NRXN3: variants seen among roughly 807,000 people sequenced by gnomAD.
NRXN3 encodes the protein neurexin III.
In NRXN3, 32 loss-of-function variants were observed where a neutral mutation model predicts 137.6. The ratio of observed to expected loss-of-function variants is 0.23; its 90% confidence interval spans 0.18 to 0.31. NRXN3 has a LOEUF of 0.31. NRXN3 is among the 10% of genes least tolerant of loss of function. The pLI is 1.00. For synonymous variants in NRXN3, 798 were observed against 784.5 expected (o/e 1.02, Z -0.29); for missense variants, 1,574 against 2,062.5 (o/e 0.76, Z 4.59).
intron 15 of NRXN3, among the ~76,000 whole-genome samples, chr14:79,420,695 A>G (rs1232301616): frequency 6.6e-6 from 1 of 152,214 alleles, no homozygotes; most frequent in African/African-American, 2.4e-5. Context: ...CAAAACCTAG[A>G]GTCAAACATT....
At chr14:79,242,239 C>A (rs962440731) in intron 15 of NRXN3, among the ~76,000 whole-genome samples, 2 of 152,102 alleles carry the variant, frequency 1.3e-5, no homozygotes, top group African/African-American at 4.8e-5. Context: ...GGGCTCTTAG[C>A]TTTTTGGGAT....
At chr14:79,162,986 CT>C (rs1189879160) in intron 15 of NRXN3, among the ~76,000 whole-genome samples, 10 of 151,738 alleles carry the variant, frequency 6.6e-5, no homozygotes, top group African/African-American at 2.4e-4. Flanking sequence ...CCTTCTCTTC[CT>C]TTTTTTCTTC....
chr14:79,456,777 C>CAGAGG (rs1222961631), intron 15 of NRXN3, among the ~76,000 whole-genome samples: 1 of 151,086 alleles, frequency 6.6e-6, no homozygotes, highest in East Asian at 1.9e-4. Flanking sequence ...GGAAGAGAAG[C>CAGAGG]AGAGGAGAGG....
chr14:78,590,861 G>T (rs993048395), intron 4 of NRXN3, among the ~76,000 whole-genome samples: 3 of 152,186 alleles, frequency 2.0e-5, no homozygotes, highest in Non-Finnish European at 2.9e-5. Context: ...GCAGGCCACT[G>T]CACTCCAGCC....
chr14:79,606,597 T>G (rs1158343696), intron 16 of NRXN3, among the ~76,000 whole-genome samples: 1 of 152,244 alleles, frequency 6.6e-6, no homozygotes, highest in Non-Finnish European at 1.5e-5. Flanking sequence ...GTATTATGAT[T>G]CTTTCATAGC....
chr14:79,591,220 CTATTCATG>C (rs1409919818), intron 16 of NRXN3, among the ~76,000 whole-genome samples: 1 of 152,124 alleles, frequency 6.6e-6, no homozygotes, highest in Non-Finnish European at 1.5e-5. Flanking sequence ...AGGAAACATA[CTATTCATG>C]TAACAAAATA....
At chr14:79,629,300 T>A (rs2098316912) in intron 16 of NRXN3, among the ~76,000 whole-genome samples, 1 of 152,186 alleles carries the variant, frequency 6.6e-6, no homozygotes, top group Non-Finnish European at 1.5e-5. Context: ...ATACACTGAA[T>A]TTTCTTAGAG....
chr14:78,439,495 T>C (rs1474420315), intron 4 of NRXN3, among the ~76,000 whole-genome samples: 2 of 152,242 alleles, frequency 1.3e-5, no homozygotes, highest in Non-Finnish European at 2.9e-5. Context: ...ATACCCATTT[T>C]ACAGCCCACA....
intron 19 of NRXN3, among the ~76,000 whole-genome samples, chr14:79,774,806 CT>C (rs1225895940): frequency 1.3e-5 from 2 of 152,056 alleles, no homozygotes; most frequent in African/African-American, 2.4e-5. Context: ...ACTAGATAAT[CT>C]TTGCTCTCTA....
At chr14:78,332,470 C>T (rs897135875) in intron 4 of NRXN3, among the ~76,000 whole-genome samples, 25 of 152,026 alleles carry the variant, frequency 1.6e-4, no homozygotes, top group East Asian at 1.9e-4. Flanking sequence ...TGTGCGCTAC[C>T]GCACCTGGCT....
At chr14:79,761,092 G>A (rs893043534) in intron 19 of NRXN3, among the ~76,000 whole-genome samples, 3 of 151,718 alleles carry the variant, frequency 2.0e-5, no homozygotes, top group African/African-American at 7.3e-5. Flanking sequence ...GCCCTCTGGA[G>A]ATGTAATAGA....
chr14:79,670,277 A>G (rs1454430966), intron 17 of NRXN3, among the ~76,000 whole-genome samples: 1 of 152,022 alleles, frequency 6.6e-6, no homozygotes, highest in Non-Finnish European at 1.5e-5. Context: ...GAGTTTTGAT[A>G]TTATACAATC....
chr14:79,206,115 C>T (rs1456571922), intron 15 of NRXN3, among the ~76,000 whole-genome samples: 1 of 152,228 alleles, frequency 6.6e-6, no homozygotes, highest in African/African-American at 2.4e-5. Context: ...ATGTGACTAT[C>T]AATACATAAT....
chr14:79,820,368 T>A (rs1011603170), intron 20 of NRXN3, among the ~76,000 whole-genome samples: 3 of 152,158 alleles, frequency 2.0e-5, no homozygotes, highest in African/African-American at 7.2e-5. Flanking sequence ...GAGCATCCTA[T>A]GTCCTGAGGT....
intron 4 of NRXN3, among the ~76,000 whole-genome samples, chr14:78,569,530 G>GTCCAGAACTCCTAGACTCAAGCGAT (rs1335680136): frequency 1.3e-5 from 2 of 151,794 alleles, no homozygotes; most frequent in Admixed American, 1.3e-4. Context: ...CTCCCAAAGT[G>GTCCAGAACTCCTAGACTCAAGCGAT]CTGGGATTAC....
chr14:79,289,050 T>C (rs1379474607), intron 15 of NRXN3, among the ~76,000 whole-genome samples: 1 of 152,148 alleles, frequency 6.6e-6, no homozygotes, highest in East Asian at 1.9e-4. Flanking sequence ...AATGGGCTCG[T>C]AGAACTTAGA....
At chr14:79,735,797 T>C in intron 19 of NRXN3, among the ~76,000 whole-genome samples, 1 of 152,178 alleles carries the variant, frequency 6.6e-6, no homozygotes, top group East Asian at 1.9e-4. Context: ...CTACTGCTCT[T>C]GAGTTGTTGC....
At chr14:78,526,857 A>C (rs1169573007) in intron 4 of NRXN3, 15 of 470,534 alleles carry the variant, frequency 3.2e-5, no homozygotes, top group Non-Finnish European at 3.8e-5. Context: ...CTGATATCCA[A>C]GTCACCCAGA....
intron 4 of NRXN3, among the ~76,000 whole-genome samples, chr14:78,340,414 A>G (rs2082017145): frequency 6.6e-6 from 1 of 152,196 alleles, no homozygotes; most frequent in Admixed American, 6.5e-5. Context: ...CAGATGGCTT[A>G]TAACTACAAT....
Sources: gnomAD v4.1 joint callset for allele counts (sites outside exome capture counted in the v4.1 genomes callset) on GRCh38, gnomAD v4.1.1 for gene constraint, MANE v1.5 for transcripts, NCBI Gene and HGNC (gene_info 2026-07-23, HGNC 2026-07-21) for gene names.